The following SPTLC3 variants were observed in gnomAD, a reference collection of about 807,000 sequenced individuals.
SPTLC3 encodes serine palmitoyltransferase 3.
In SPTLC3, 36 loss-of-function variants were observed where a neutral mutation model predicts 59.3. The ratio of observed to expected loss-of-function variants is 0.61; its 90% CI spans 0.47 to 0.80. The LOEUF (loss-of-function observed/expected upper bound fraction) is 0.80. SPTLC3 is among the 30% of genes least tolerant of loss of function. The probability of loss-of-function intolerance (pLI) is 0.00; values close to 1 mark genes in which losing one functional copy is unlikely to be tolerated. For synonymous variants in SPTLC3, 257 were observed against 240.8 expected (o/e 1.07, Z -0.62); for missense variants, 625 against 685.1 (o/e 0.91, Z 0.98).
chr20:13,014,788 T>TA (rs1183708417), intron 1 of SPTLC3, among the ~76,000 whole-genome samples: 35 of 124,702 alleles, frequency 2.8e-4, no homozygotes, highest in African/African-American at 8.5e-4. Flanking sequence ...CTGTCTAAAT[T>TA]TAAAAAAAAA....
chr20:13,092,237 AC>A (rs1353973087), intron 5 of SPTLC3, among the ~76,000 whole-genome samples: 8 of 152,254 alleles, frequency 5.3e-5, no homozygotes, highest in African/African-American at 1.9e-4. Context: ...CAAAGAAAAG[AC>A]CAGAGATGAA....
chr20:13,012,345 A>G (rs1985298001), intron 1 of SPTLC3, among the ~76,000 whole-genome samples: 1 of 152,240 alleles, frequency 6.6e-6, no homozygotes, highest in African/African-American at 2.4e-5. Context: ...ATTACCAGGT[A>G]TAGGTTATGA....
chr20:13,027,639 A>ATG (rs1491087759), intron 1 of SPTLC3, among the ~76,000 whole-genome samples: 1 of 59,130 alleles, frequency 1.7e-5, no homozygotes, highest in African/African-American at 4.7e-5. Context: ...CTATTTCAGC[A>ATG]CGCACACACA....
In SPTLC3 at chr20:13,074,517, T is replaced by C. The variant is rs767658534; in HGVS notation, c.607+20T>C. On this transcript the variant is annotated intron_variant, in intron 4 of 11. Transcript: ENST00000399002. Reference sequence around the variant, plus strand: ...AAATGGGTATGTACATTCACTGTTTTGAAACTTTTTGCTGTTAGGTCTCAG... The same window carrying C: ...AAATGGGTATGTACATTCACTGTTTCGAAACTTTTTGCTGTTAGGTCTCAG... The C allele has an allele frequency of 2.5e-6, 4 of 1,592,970 alleles. No individual in the cohort carries two copies. Among genetic ancestry groups the C allele is most frequent in the Non-Finnish European group, 3.4e-6 (4 of 1,166,658 alleles).
chr20:13,154,062 G>T lies in SPTLC3; in HGVS notation c.1339G>T (p.Glu447Ter), dbSNP rs2038711804. 1 of 1,614,028 alleles carries T rather than the reference G, an allele frequency of 6.2e-7. No individual in the cohort carries two copies. Among genetic ancestry groups the T allele is most frequent in the African/African-American group, 1.3e-5 (1 of 74,926 alleles). The change falls in exon 10 of 12, where the codon GAA (glutamate) becomes TAA (stop). Residue 447 changes from glutamate to a stop codon, truncating the protein, a stop_gained. Coordinates refer to ENST00000399002, the MANE Select transcript of SPTLC3 (RefSeq NM_018327.4). LOFTEE classifies it high-confidence loss of function. ...NTRYFRQRLQ[E>*]MGFIIYGNEN... is the part of the protein sequence containing the mutation. ...AAGATACTTCAGACAAAGACTGCAG[G>T]AAATGGGATTCATTATCTATGGCAA...
chr20:13,094,968 G>C (rs535998543), intron 6 of SPTLC3, among the ~76,000 whole-genome samples: 1 of 152,168 alleles, frequency 6.6e-6, no homozygotes, highest in African/African-American at 2.4e-5. Flanking sequence ...CTTTAGACTT[G>C]GATAAGCCAA....
chr20:13,030,669 G>C (rs1478835504), intron 1 of SPTLC3, among the ~76,000 whole-genome samples: 1 of 152,100 alleles, frequency 6.6e-6, no homozygotes, highest in African/African-American at 2.4e-5. Context: ...TACTAGCAAT[G>C]GACAAAGTGG....
chr20:13,083,771 T>C (rs116258722), intron 4 of SPTLC3, among the ~76,000 whole-genome samples: 326 of 152,296 alleles, frequency 2.1e-3, no homozygotes, highest in African/African-American at 7.3e-3. Context: ...TTCTTCAAGA[T>C]GGAGCAAAGC....
chr20:13,055,325 A>G (rs939450813), intron 2 of SPTLC3, among the ~76,000 whole-genome samples: 1 of 151,990 alleles, frequency 6.6e-6, no homozygotes, highest in Non-Finnish European at 1.5e-5. Flanking sequence ...CTCTGGTCCT[A>G]GTAGAGCTGA....
intron 2 of SPTLC3, among the ~76,000 whole-genome samples, chr20:13,060,697 TGTA>T (rs1349767270): frequency 7.4e-6 from 1 of 134,530 alleles, no homozygotes; most frequent in East Asian, 2.4e-4. Flanking sequence ...AGTGAGAACA[TGTA>T]GTATTTGACT....
chr20:13,037,147 A>AT (rs200208607), intron 1 of SPTLC3, among the ~76,000 whole-genome samples: 2,347 of 152,242 alleles, frequency 0.015, 58 homozygotes, highest in Admixed American at 0.063. Flanking sequence ...GACATTTTCC[A>AT]TTTTTTACCA....
intron 6 of SPTLC3, among the ~76,000 whole-genome samples, chr20:13,098,983 C>T (rs6074557): frequency 0.31 from 46,812 of 151,994 alleles, 7,939 homozygotes; most frequent in Middle Eastern, 0.4. Flanking sequence ...TGCTCTTCTG[C>T]TCTCTTTGGT....
At chr20:13,112,860 A>C (rs552391074) in intron 7 of SPTLC3, among the ~76,000 whole-genome samples, 2 of 152,182 alleles carry the variant, frequency 1.3e-5, no homozygotes, top group Non-Finnish European at 2.9e-5. Context: ...GCCTTTATAC[A>C]GGTGTTCTAA....
At chr20:13,078,578 A>G (rs1208750827) in intron 4 of SPTLC3, among the ~76,000 whole-genome samples, 4 of 152,208 alleles carry the variant, frequency 2.6e-5, no homozygotes, top group African/African-American at 9.6e-5. Context: ...ATCATTTTTA[A>G]CAAGCTTTGC....
At chr20:13,056,031 C>T (rs1022034358) in intron 2 of SPTLC3, among the ~76,000 whole-genome samples, 2 of 152,152 alleles carry the variant, frequency 1.3e-5, no homozygotes, top group Non-Finnish European at 2.9e-5. Flanking sequence ...AGGCAATCCT[C>T]ATGGAGCTGT....
At chr20:13,147,976 C>T (rs2038554254) in intron 9 of SPTLC3, among the ~76,000 whole-genome samples, 1 of 152,206 alleles carries the variant, frequency 6.6e-6, no homozygotes, top group Admixed American at 6.5e-5. Flanking sequence ...GGCTCACAAA[C>T]TCACAAACTC....
chr20:13,060,332 C>A lies in SPTLC3; in HGVS notation c.303+11202C>A, dbSNP rs574658445. On this transcript the variant is annotated intron_variant, in intron 2 of 11. Coordinates refer to ENST00000399002, the MANE Select transcript of SPTLC3 (RefSeq NM_018327.4). ...TAGTTTACAGAAGCATAACCACTAA[C>A]CCCATCAGACATTAACTTATGTGTA... Among the ~76,000 whole-genome samples the A allele has an allele frequency of 2.7e-4, 41 of 152,202 alleles. 2 individuals carry two copies. In the South Asian group the frequency reaches 8.1e-3, roughly 30 times the overall value.
Position 13,117,553 on chromosome 20 carries a change from A to G in SPTLC3, c.980A>G (p.Lys327Arg). Residue 327 changes from lysine (K) to arginine (R), a missense_variant, in exon 8 of 12, where the codon AAG becomes AGG. Coordinates refer to ENST00000399002, the MANE Select transcript of SPTLC3 (RefSeq NM_018327.4). ...CTGCCCCAGATCATAGCTCTAAAGAAGAAATACAAGGCTTACCTCTACATA... is the reference window on the plus strand; with the variant it reads ...CTGCCCCAGATCATAGCTCTAAAGAGGAAATACAAGGCTTACCTCTACATA... ...VHLPQIIALK[K>R]KYKAYLYIDE... 1 of 1,611,668 alleles carries G rather than the reference A, an allele frequency of 6.2e-7. No individual in the cohort carries two copies. Among genetic ancestry groups the G allele is most frequent in the African/African-American group, 1.3e-5 (1 of 74,908 alleles).
rs370302629 is a variant in SPTLC3 at position 13,080,703 on chromosome 20, A to T, written c.607+6206A>T. ...AAAAGAGCACTCTCATATACCATTGACAGAGAAAATTAGAGAGCAATTTGA... is the reference window on the plus strand; with the variant it reads ...AAAAGAGCACTCTCATATACCATTGTCAGAGAAAATTAGAGAGCAATTTGA... On this transcript the variant is annotated intron_variant, in intron 4 of 11. Transcript: ENST00000399002. Among the ~76,000 whole-genome samples the T allele has an allele frequency of 2.4e-4, 36 of 152,306 alleles. No individual in the cohort carries two copies. The South Asian group carries it at 7.5e-3, about 32-fold the overall frequency.
Sources: allele counts gnomAD v4.1 joint callset (sites outside exome capture counted in the v4.1 genomes callset), GRCh38; gene constraint gnomAD v4.1.1; transcripts MANE v1.5; gene names NCBI Gene and HGNC (gene_info 2026-07-23, HGNC 2026-07-21).